Variants in FILIP1L observed in about 807,000 individuals in gnomAD.
The protein encoded by FILIP1L is filamin A interacting protein 1 like.
FILIP1L carries 55 observed loss-of-function variants against 96.6 expected under a neutral mutation model. The observed-to-expected ratio is 0.57, with a 90% CI of 0.46 to 0.71. FILIP1L has a LOEUF of 0.71. FILIP1L is among the 30% of genes least tolerant of loss of function. The pLI is 0.00. For synonymous variants in FILIP1L, 467 were observed against 473.9 expected, an observed-to-expected ratio of 0.99 and a Z score of 0.19; for missense variants, 1,304 against 1,321.2, an observed-to-expected ratio of 0.99 and a Z score of 0.20.
At chr3:99,960,084 C>T (rs1056440981) in intron 1 of FILIP1L, among the ~76,000 whole-genome samples, 2 of 152,150 alleles carry the variant, frequency 1.3e-5, no homozygotes, top group Non-Finnish European at 2.9e-5. Context: ...AATGTTATAA[C>T]GATTGGCTCC....
intron 1 of FILIP1L, among the ~76,000 whole-genome samples, chr3:100,009,294 A>G (rs1348729425): frequency 6.6e-6 from 1 of 152,210 alleles, no homozygotes; most frequent in Non-Finnish European, 1.5e-5. Context: ...GTCCTGAAAC[A>G]AAATGGCAGC....
chr3:100,047,059 A>G (rs551770413), intron 1 of FILIP1L, among the ~76,000 whole-genome samples: 1 of 152,356 alleles, frequency 6.6e-6, no homozygotes, highest in East Asian at 1.9e-4. Flanking sequence ...TATTGTCCTC[A>G]GGTTTTGAAG....
At chr3:99,862,952 C>T (rs1478787322) in intron 4 of FILIP1L, among the ~76,000 whole-genome samples, 9 of 152,216 alleles carry the variant, frequency 5.9e-5, no homozygotes, top group Non-Finnish European at 1.2e-4. Flanking sequence ...CAAAGCCTCA[C>T]TGATGCTCTG....
intron 1 of FILIP1L, among the ~76,000 whole-genome samples, chr3:99,999,367 T>C (rs1709776882): frequency 6.6e-6 from 1 of 152,178 alleles, no homozygotes; most frequent in South Asian, 2.1e-4. Context: ...ATCAGAGTCA[T>C]AAGTATAGAG....
chr3:99,949,294 A>G (rs1205448332), intron 1 of FILIP1L, among the ~76,000 whole-genome samples: 1 of 152,224 alleles, frequency 6.6e-6, no homozygotes, highest in Non-Finnish European at 1.5e-5. Flanking sequence ...ACATATTTGT[A>G]TGATTCAGTT....
At chr3:99,891,402 C>A (rs1471838414) in intron 4 of FILIP1L, among the ~76,000 whole-genome samples, 1 of 152,146 alleles carries the variant, frequency 6.6e-6, no homozygotes, top group African/African-American at 2.4e-5. Context: ...ACAAAACATT[C>A]TCAAAGCAAA....
At chr3:99,837,464 T>C (rs1942949546) in intron 5 of FILIP1L, among the ~76,000 whole-genome samples, 1 of 151,982 alleles carries the variant, frequency 6.6e-6, no homozygotes, top group Non-Finnish European at 1.5e-5. Context: ...GCCAAACCAC[T>C]AATTGTAAAG....
intron 1 of FILIP1L, among the ~76,000 whole-genome samples, chr3:100,027,870 G>A (rs895497010): frequency 6.6e-6 from 1 of 152,136 alleles, no homozygotes; most frequent in African/African-American, 2.4e-5. Flanking sequence ...GAGAACAAGT[G>A]AAACTAGAGT....
chr3:100,032,745 G>A (rs1461045951), intron 1 of FILIP1L, among the ~76,000 whole-genome samples: 1 of 152,136 alleles, frequency 6.6e-6, no homozygotes, highest in African/African-American at 2.4e-5. Flanking sequence ...TGCTTTGTAG[G>A]TAACTCACTT....
At chr3:99,913,020 A>G (rs1484631217) in intron 4 of FILIP1L, among the ~76,000 whole-genome samples, 1 of 152,198 alleles carries the variant, frequency 6.6e-6, no homozygotes, top group Non-Finnish European at 1.5e-5. Context: ...AGGGGCATTC[A>G]TGAATGGAAT....
chr3:100,018,808 A>G (rs1264080468), intron 1 of FILIP1L, among the ~76,000 whole-genome samples: 1 of 152,258 alleles, frequency 6.6e-6, no homozygotes, highest in African/African-American at 2.4e-5. Context: ...CAAACCATGT[A>G]TCAGGTAAGG....
chr3:99,855,867 C>T (rs944134186), intron 4 of FILIP1L, among the ~76,000 whole-genome samples: 8 of 152,106 alleles, frequency 5.3e-5, no homozygotes, highest in African/African-American at 1.9e-4. Flanking sequence ...TAACATTTGC[C>T]ATCTAATGTA....
intron 2 of FILIP1L, 142 bp from the exon 3 acceptor site, chr3:99,930,171 G>A: frequency 1.4e-6 from 1 of 693,866 alleles, no homozygotes; most frequent in Non-Finnish European, 2.4e-6. Context: ...TTTATAAAAG[G>A]TAACAAAACT....
At chr3:99,985,733 C>T (rs1461739416) in intron 1 of FILIP1L, among the ~76,000 whole-genome samples, 1 of 152,004 alleles carries the variant, frequency 6.6e-6, no homozygotes, top group Non-Finnish European at 1.5e-5. Context: ...GGATTACAGG[C>T]ACCTGCTACC....
chr3:100,024,104 C>G (rs545375732), intron 1 of FILIP1L, among the ~76,000 whole-genome samples: 2 of 152,164 alleles, frequency 1.3e-5, no homozygotes, highest in African/African-American at 4.8e-5. Context: ...ATCTTCCACA[C>G]TCCGTCTTCA....
chr3:99,896,131 A>G (rs1251587817), intron 4 of FILIP1L, among the ~76,000 whole-genome samples: 1 of 152,178 alleles, frequency 6.6e-6, no homozygotes, highest in Non-Finnish European at 1.5e-5. Flanking sequence ...AAGGGAAAAC[A>G]GAAGTGTGAA....
intron 1 of FILIP1L, among the ~76,000 whole-genome samples, chr3:100,032,460 G>A (rs1302846922): frequency 6.6e-6 from 1 of 152,178 alleles, no homozygotes; most frequent in East Asian, 1.9e-4. Context: ...ATGGCAGCTG[G>A]TGGTTTCTGT....
At chr3:99,883,946 C>T (rs1232199764) in intron 4 of FILIP1L, among the ~76,000 whole-genome samples, 1 of 152,176 alleles carries the variant, frequency 6.6e-6, no homozygotes, top group African/African-American at 2.4e-5. Context: ...AAATCACACT[C>T]AGTGTTTTGT....
intron 1 of FILIP1L, among the ~76,000 whole-genome samples, chr3:100,089,475 A>G (rs561514763): frequency 2.6e-5 from 4 of 152,212 alleles, no homozygotes; most frequent in Non-Finnish European, 4.4e-5. Flanking sequence ...AGCCCTAAAG[A>G]GTAGATGGAG....
Sources: gnomAD v4.1 joint callset for allele counts (sites outside exome capture counted in the v4.1 genomes callset) on GRCh38, gnomAD v4.1.1 for gene constraint, MANE v1.5 for transcripts, NCBI Gene and HGNC (gene_info 2026-07-23, HGNC 2026-07-21) for gene names.